Variants in NEU4 observed in about 807,000 individuals in gnomAD.
The protein encoded by NEU4 is neuraminidase 4.
NEU4 carries 7 observed loss-of-function variants against 9.9 expected under a neutral mutation model. The ratio of observed to expected loss-of-function variants is 0.71; its 90% confidence interval spans 0.40 to 1.33. The LOEUF (loss-of-function observed/expected upper bound fraction) is 1.33. Ranked by LOEUF, NEU4 falls within the 40% of genes most tolerant of loss-of-function variation. NEU4 has a pLI of 0.01. For synonymous variants in NEU4, 348 were observed against 316.9 expected (o/e 1.10, Z -1.04); for missense variants, 717 against 712.6 (o/e 1.01, Z -0.07).
In NEU4 at chr2:241,817,237, AGGGCAGGGTGG is replaced by A. The variant is rs956217535; in HGVS notation, c.*206_*216del. The A allele has an allele frequency of 2.9e-5, 8 of 275,398 alleles. 1 individual carries two copies. The highest frequency in any genetic ancestry group is 9.7e-5 in the South Asian group (3 of 30,840). The allele number at this position is 275,398 out of a possible 1,614,324, so 17.1% of individuals were successfully genotyped here. A position where few individuals can be genotyped will look rare whatever the true frequency, so the allele number is the denominator to read the frequency against. On this transcript the variant is annotated 3_prime_UTR_variant, in exon 4 of 4. Transcript: ENST00000407683. ...AGGGGAGCAGCGGCTGGGAGTGAGC[AGGGCAGGGTGG>A]GGGCAGGGTGGGGGCACGAAGTGGG... is the stretch of plus-strand genomic sequence containing the variant.
At chr2:241,813,837 G>A (rs1700203347) in intron 1 of NEU4, 2 of 307,170 alleles carry the variant, frequency 6.5e-6, no homozygotes, top group Admixed American at 4.7e-5. Context: ...TGTCCCCAGA[G>A]AGCCCCGTGA....
intron 3 of NEU4, chr2:241,815,712 G>T: frequency 1.8e-6 from 1 of 548,802 alleles, no homozygotes; most frequent in Non-Finnish European, 3.4e-6. Context: ...CCGGCCCGTG[G>T]GAGCTACAGC....
intron 1 of NEU4, chr2:241,813,634 G>T (rs1165800408): frequency 1.7e-5 from 14 of 833,674 alleles, no homozygotes; most frequent in South Asian, 1.5e-4. Flanking sequence ...GCCCCACTCG[G>T]CTTTGGAGCT....
In NEU4 at chr2:241,815,116, C is replaced by T. The variant is rs371800230; in HGVS notation, c.426C>T (p.Leu142=). The T allele has an allele frequency of 2.8e-5, 44 of 1,573,548 alleles. No individual in the cohort carries two copies. The African/African-American group carries it at 5.1e-4, about 18-fold the overall frequency. Reference sequence around the variant, plus strand: ...TCTCGTGGGGCAGCGCCCGGGACCTCACCGAGGAGGCCATCGGTGGTGCCG... The same window carrying T: ...TCTCGTGGGGCAGCGCCCGGGACCTTACCGAGGAGGCCATCGGTGGTGCCG... ...AGLSWGSARD[L]TEEAIGGAVQ... The change falls in exon 3 of 4, where the codon CTC becomes CTT. Residue 142 remains leucine, a synonymous_variant. Coordinates refer to ENST00000407683, the MANE Select transcript of NEU4 (RefSeq NM_001167600.3).
chr2:241,812,347 C>T (rs918414672), intron 1 of NEU4, among the ~76,000 whole-genome samples: 5 of 152,130 alleles, frequency 3.3e-5, no homozygotes, highest in African/African-American at 1.2e-4. Flanking sequence ...GACTCCACAC[C>T]CCCAAGGAGG....
Position 241,809,499 on chromosome 2 carries a change from G to A in NEU4, c.-4+225G>A, listed in dbSNP as rs999976225. 53 of 343,256 alleles carry A rather than the reference G, an allele frequency of 1.5e-4. 1 individual carries two copies. Among genetic ancestry groups the A allele is most frequent in the South Asian group, 4.5e-4 (21 of 46,198 alleles). 21.3% of individuals were successfully genotyped at this position (343,256 alleles called of 1,614,324 possible). On this transcript the variant is annotated intron_variant, in intron 1 of 3. Coordinates refer to ENST00000407683, the MANE Select transcript of NEU4 (RefSeq NM_001167600.3). Reference sequence around the variant, plus strand: ...CCTTCCGTGTGATGCTGGGGTCAGCGTGGCCCCTCGGCTGCCAGAGCTCAC... The same window carrying A: ...CCTTCCGTGTGATGCTGGGGTCAGCATGGCCCCTCGGCTGCCAGAGCTCAC...
Position 241,816,404 on chromosome 2 carries a change from G to C in NEU4, c.811G>C (p.Glu271Gln), listed in dbSNP as rs968301427. ...CGCAGAGCGCGTGGCTTCCCTGCCC[G>C]AGACTGCCTGGGGCTGCCAGGGCAG... Reference protein sequence around the residue: ...LPAERVASLPETAWGCQGSIV... With the variant: ...LPAERVASLPQTAWGCQGSIV... Residue 271 changes from glutamate to glutamine, a missense_variant, in exon 4 of 4, where the codon GAG becomes CAG. Coordinates refer to ENST00000407683, the MANE Select transcript of NEU4 (RefSeq NM_001167600.3). 6.2e-7 allele frequency: 1 copy of C among 1,603,496 alleles called. No individual in the cohort carries two copies. The highest frequency in any genetic ancestry group is 1.7e-5 in the Admixed American group (1 of 59,354).
rs539080909 is a variant in NEU4 at position 241,811,310 on chromosome 2, C to T, written c.-4+2036C>T. On this transcript the variant is annotated intron_variant, in intron 1 of 3. Coordinates refer to ENST00000407683, the MANE Select transcript of NEU4 (RefSeq NM_001167600.3). ...GCCCTGCTCTGGGCTTCAGTGGAGC[C>T]GTGCCACCGTGGGAGTGTCCAGGGT... is the stretch of plus-strand genomic sequence containing the variant. 3,313 of 1,323,856 alleles carry T rather than the reference C, an allele frequency of 2.5e-3. 2 individuals are homozygous for T. Among genetic ancestry groups the T allele is most frequent in the Non-Finnish European group, 3.0e-3 (3,078 of 1,027,394 alleles). 82.0% of individuals were successfully genotyped at this position (1,323,856 alleles called of 1,614,324 possible). A position where few individuals can be genotyped will look rare whatever the true frequency, so the allele number is the denominator to read the frequency against.
At chr2:241,812,107 G>A (rs1700136273) in intron 1 of NEU4, 1 of 141,736 alleles carries the variant, frequency 7.1e-6, no homozygotes, top group Non-Finnish European at 1.5e-5. Flanking sequence ...ACCCCAGAGG[G>A]TGTGTGCGGA....
chr2:241,811,362 G>A lies in NEU4; in HGVS notation c.-4+2088G>A, dbSNP rs372411706. 50 of 1,463,508 alleles carry A rather than the reference G, an allele frequency of 3.4e-5. 1 individual carries two copies. In the Middle Eastern group the frequency reaches 3.5e-3, roughly 102 times the overall value. The allele number at this position is 1,463,508 out of a possible 1,614,324, so 90.7% of individuals were successfully genotyped here. ...CTGACGTAGCCCTGAGACGTGGCCA[G>A]CTCCCTGGCCTGCTGCCCGCACAGT... On this transcript the variant is annotated intron_variant, in intron 1 of 3. Transcript: ENST00000407683.
rs1301660563 is a variant in NEU4 at position 241,814,947 on chromosome 2, A to G, written c.257A>G (p.Asn86Ser). The change falls in exon 3 of 4, where the codon AAC becomes AGC. Residue 86 changes from asparagine to serine, a missense_variant. Transcript: ENST00000407683. Reference sequence around the variant, plus strand: ...GCCCTGGCGGAGCACCGGTCCATGAACCCCTGCCCTGTGCACGATGCTGGC... The same window carrying G: ...GCCCTGGCGGAGCACCGGTCCATGAGCCCCTGCCCTGTGCACGATGCTGGC... ...TAALAEHRSM[N>S]PCPVHDAGTG... 5.0e-6 allele frequency: 8 copies of G among 1,611,570 alleles called. 1 individual carries two copies. The South Asian group carries it at 6.6e-5, about 13-fold the overall frequency.
intron 3 of NEU4, chr2:241,815,512 A>G: frequency 2.0e-6 from 1 of 505,788 alleles, no homozygotes; most frequent in Non-Finnish European, 4.0e-6. Flanking sequence ...ACTCTCTCTC[A>G]TCCCCCCCGC....
intron 3 of NEU4, 28 bp downstream of exon 3, chr2:241,815,175 C>T: frequency 6.6e-7 from 1 of 1,510,524 alleles, no homozygotes; most frequent in Non-Finnish European, 8.8e-7. Context: ...CGGTCTGGGT[C>T]CCTTTGATTG....
rs753337994 is a variant in NEU4, at chr2:241,809,279, G to A, written c.-4+5G>A. 64 of 1,286,592 alleles carry A rather than the reference G, an allele frequency of 5.0e-5. No individual in the cohort carries two copies. The highest frequency in any genetic ancestry group is 1.8e-4 in the African/African-American group (12 of 65,932). The allele number at this position is 1,286,592 out of a possible 1,614,324, so 79.7% of individuals were successfully genotyped here. On this transcript the variant is annotated splice_donor_5th_base_variant and intron_variant, in intron 1 of 3. Coordinates refer to ENST00000407683, the MANE Select transcript of NEU4 (RefSeq NM_001167600.3). ...GGTTGGCGGGAACTGAAACTGGTACGGTCTTTTTGAATAGAAATTTGGGGT... is the reference window on the plus strand; with the variant it reads ...GGTTGGCGGGAACTGAAACTGGTACAGTCTTTTTGAATAGAAATTTGGGGT...
intron 3 of NEU4, 134 bp downstream of exon 3, chr2:241,815,281 A>G: frequency 8.1e-7 from 1 of 1,227,164 alleles, no homozygotes; most frequent in African/African-American, 1.5e-5. Flanking sequence ...CCCTTTCCCC[A>G]GGACTGTTCT....
intron 1 of NEU4, chr2:241,811,686 T>C (rs1575377865): frequency 2.5e-6 from 1 of 401,458 alleles, no homozygotes; most frequent in Non-Finnish European, 4.4e-6. Context: ...CACATGCATC[T>C]CCCAATGGGA....
At chr2:241,811,213 T>A in intron 1 of NEU4, 1 of 1,239,800 alleles carries the variant, frequency 8.1e-7, no homozygotes. Context: ...GTTGAGTGCC[T>A]TGACCTGCAG....
intron 1 of NEU4, 119 bp from the exon 2 acceptor site, chr2:241,814,363 C>T (rs1700228643): frequency 3.2e-6 from 3 of 945,752 alleles, no homozygotes; most frequent in African/African-American, 3.2e-5. Context: ...CAGGAAGAGG[C>T]CCAGGTGTGG....
At chr2:241,813,026 A>G (rs541784887) in intron 1 of NEU4, among the ~76,000 whole-genome samples, 1 of 152,342 alleles carries the variant, frequency 6.6e-6, no homozygotes, top group East Asian at 1.9e-4. Flanking sequence ...AGCTGCTCTC[A>G]GAAGCCGCGC....
Sources: gnomAD v4.1 joint callset for allele counts (sites outside exome capture counted in the v4.1 genomes callset) on GRCh38, gnomAD v4.1.1 for gene constraint, MANE v1.5 for transcripts, NCBI Gene and HGNC (gene_info 2026-07-23, HGNC 2026-07-21) for gene names.